HDAC9: variants seen among roughly 807,000 people sequenced by gnomAD.
The protein encoded by HDAC9 is MEF-2 interacting transcription repressor (MITR) protein.
Under a neutral mutation model 139.4 loss-of-function variants are expected in HDAC9, and 41 were observed. That is an observed-to-expected ratio of 0.29 (90% CI 0.23 to 0.38). The LOEUF (loss-of-function observed/expected upper bound fraction) is 0.38, where lower values mean the gene tolerates loss of function less well. Ranked by LOEUF, HDAC9 falls within the 10% of genes least tolerant of loss-of-function variation. The probability of loss-of-function intolerance (pLI) is 1.00; values close to 1 mark genes in which losing one functional copy is unlikely to be tolerated. For missense variants in HDAC9, 1,147 were observed against 1,297.0 expected (o/e 0.88, Z 1.78); for synonymous variants, 517 against 476.2 (o/e 1.09, Z -1.12).
rs1325651020 is a variant in HDAC9, at chr7:18,186,088, T to C, written c.25+23739T>C. Reference sequence around the variant, plus strand: ...TAAGGACTATTTTCTAAAATCCTATTTTGAAGATGGAAAACCAAGCCTTAG... The same window carrying C: ...TAAGGACTATTTTCTAAAATCCTATCTTGAAGATGGAAAACCAAGCCTTAG... On this transcript the variant is annotated intron_variant, in intron 2 of 12. Transcript: ENST00000417496. Among the ~76,000 whole-genome samples, 4 of 152,252 alleles carry C rather than the reference T, an allele frequency of 2.6e-5. No individual in the cohort carries two copies. In the East Asian group the frequency reaches 7.7e-4, roughly 29 times the overall value.
At chr7:18,365,082 A>G (rs887618696) in intron 1 of HDAC9, among the ~76,000 whole-genome samples, 1 of 152,112 alleles carries the variant, frequency 6.6e-6, no homozygotes, top group African/African-American at 2.4e-5. Flanking sequence ...GTTTCAGAAA[A>G]ACACCTTCAT....
intron 1 of HDAC9, among the ~76,000 whole-genome samples, chr7:18,443,745 C>T (rs565852966): frequency 1.3e-5 from 2 of 151,680 alleles, no homozygotes; most frequent in South Asian, 2.1e-4. Flanking sequence ...CAGTAGAACC[C>T]GTTTTAATTT....
intron 22 of HDAC9, among the ~76,000 whole-genome samples, chr7:18,917,247 G>A (rs1021471672): frequency 6.6e-6 from 1 of 151,908 alleles, no homozygotes; most frequent in Non-Finnish European, 1.5e-5. Flanking sequence ...AGTCATGAGG[G>A]AGAACTCAGG....
Position 18,177,463 on chromosome 7 carries a change from C to T in HDAC9, c.25+15114C>T, listed in dbSNP as rs1159034454. Among the ~76,000 whole-genome samples the T allele has an allele frequency of 6.6e-5, 10 of 152,190 alleles. 1 individual carries two copies. The highest frequency in any genetic ancestry group is 6.5e-4 in the Admixed American group (10 of 15,286). On this transcript the variant is annotated intron_variant, in intron 2 of 12. Transcript: ENST00000417496. Reference sequence around the variant, plus strand: ...TTCAGGCTTATCTTATTTTTCTCCTCAATGAACCCCACTCTGTTCAACATG... The same window carrying T: ...TTCAGGCTTATCTTATTTTTCTCCTTAATGAACCCCACTCTGTTCAACATG...
chr7:18,718,260 C>T (rs1562878959), intron 12 of HDAC9, among the ~76,000 whole-genome samples: 1 of 152,054 alleles, frequency 6.6e-6, no homozygotes, highest in Non-Finnish European at 1.5e-5. Context: ...GAGATGGAGT[C>T]GCGCTCTGTC....
chr7:18,624,001 C>T (rs1209723971), intron 6 of HDAC9, among the ~76,000 whole-genome samples: 1 of 152,060 alleles, frequency 6.6e-6, no homozygotes, highest in Non-Finnish European at 1.5e-5. Flanking sequence ...GTCCTGTGTG[C>T]TTCTACACAA....
intron 1 of HDAC9, among the ~76,000 whole-genome samples, chr7:18,305,938 A>G (rs1246674713): frequency 6.6e-6 from 1 of 152,148 alleles, no homozygotes; most frequent in African/African-American, 2.4e-5. Flanking sequence ...TGAGTGAGCT[A>G]GAACACCAAG....
chr7:18,222,707 T>G (rs1792790007), intron 2 of HDAC9, among the ~76,000 whole-genome samples: 1 of 152,180 alleles, frequency 6.6e-6, no homozygotes, highest in African/African-American at 2.4e-5. Context: ...TTGTACTACA[T>G]GTACTATTCT....
intron 2 of HDAC9, among the ~76,000 whole-genome samples, chr7:18,535,649 GA>G (rs1810616193): frequency 8.4e-6 from 1 of 118,660 alleles, no homozygotes; most frequent in Non-Finnish European, 1.7e-5. Flanking sequence ...GAAAGTATCA[GA>G]AATGGCTTTG....
At chr7:18,613,093 C>A (rs1257322087) in intron 6 of HDAC9, among the ~76,000 whole-genome samples, 2 of 147,172 alleles carry the variant, frequency 1.4e-5, no homozygotes, top group African/African-American at 4.9e-5. Flanking sequence ...TTATATTTCT[C>A]TTTTATATAT....
chr7:18,515,970 A>T (rs764720815), intron 2 of HDAC9, among the ~76,000 whole-genome samples: 4 of 152,224 alleles, frequency 2.6e-5, no homozygotes, highest in Non-Finnish European at 4.4e-5. Context: ...ACTTAAAGGG[A>T]AGAAGAACTT....
At chr7:18,130,003 A>C (rs1218404407) in intron 1 of HDAC9, among the ~76,000 whole-genome samples, 1 of 152,172 alleles carries the variant, frequency 6.6e-6, no homozygotes, top group African/African-American at 2.4e-5. Context: ...TTGGCTAGAC[A>C]AAACCAAACC....
At chr7:18,217,410 A>G (rs982962078) in intron 2 of HDAC9, among the ~76,000 whole-genome samples, 15 of 151,920 alleles carry the variant, frequency 9.9e-5, no homozygotes, top group African/African-American at 3.4e-4. Flanking sequence ...TTTTATCTTT[A>G]TTATTTTTTC....
intron 2 of HDAC9, among the ~76,000 whole-genome samples, chr7:18,278,720 C>T (rs371390706): frequency 6.6e-6 from 1 of 152,068 alleles, no homozygotes; most frequent in South Asian, 2.1e-4. Flanking sequence ...CAGGAATTTT[C>T]TGTGCTGAAG....
chr7:18,627,798 C>T (rs895199554), intron 6 of HDAC9, among the ~76,000 whole-genome samples: 9 of 152,082 alleles, frequency 5.9e-5, no homozygotes, highest in Non-Finnish European at 1.3e-4. Flanking sequence ...ACAGCATTTT[C>T]GGGCTTTTGG....
intron 22 of HDAC9, among the ~76,000 whole-genome samples, chr7:18,915,666 C>A (rs939228136): frequency 1.3e-5 from 2 of 149,474 alleles, no homozygotes; most frequent in African/African-American, 4.9e-5. Flanking sequence ...AAAAAGCAGT[C>A]GGAACTTCAA....
At chr7:18,949,781 G>A (rs1431100364) in intron 23 of HDAC9, 1 of 152,030 alleles carries the variant, frequency 6.6e-6, no homozygotes, top group African/African-American at 2.4e-5. Flanking sequence ...CACCCACTGT[G>A]GTGGGAGAGA....
intron 1 of HDAC9, among the ~76,000 whole-genome samples, chr7:18,474,759 C>T (rs765677483): frequency 5.9e-5 from 9 of 151,690 alleles, no homozygotes; most frequent in South Asian, 2.1e-4. Context: ...AATTTAAAAC[C>T]GTCTCCATAG....
chr7:18,749,528 TG>T (rs1788266759), intron 14 of HDAC9, among the ~76,000 whole-genome samples: 1 of 152,220 alleles, frequency 6.6e-6, no homozygotes, highest in Non-Finnish European at 1.5e-5. Context: ...CACATGGAAA[TG>T]AATCAATTTA....
Sources: allele counts gnomAD v4.1 joint callset (sites outside exome capture counted in the v4.1 genomes callset), GRCh38; gene constraint gnomAD v4.1.1; transcripts MANE v1.5; gene names NCBI Gene and HGNC (gene_info 2026-07-23, HGNC 2026-07-21).